Variants in ACTR3C observed in about 807,000 individuals in gnomAD.
ACTR3C encodes the protein actin-related protein 3C.
Under a neutral mutation model 26.3 loss-of-function variants are expected in ACTR3C, and 18 were observed. The observed-to-expected ratio is 0.68, with a 90% CI of 0.47 to 1.01. The LOEUF (loss-of-function observed/expected upper bound fraction) is 1.01. Among genes scored for constraint, ACTR3C ranks in the 50% least tolerant of loss-of-function variants. The pLI is 0.00. For missense variants in ACTR3C, 184 were observed against 250.7 expected, an observed-to-expected ratio of 0.73 and a Z score of 1.80; for synonymous variants, 55 against 94.5, an observed-to-expected ratio of 0.58 and a Z score of 2.42.
chr7:150,288,722 A>G (rs1563183767), intron 4 of ACTR3C, among the ~76,000 whole-genome samples: 1 of 146,770 alleles, frequency 6.8e-6, no homozygotes, highest in Non-Finnish European at 1.5e-5. Flanking sequence ...CCTGAGATGG[A>G]AGGGACCACG....
the ACTR3C span, among the ~76,000 whole-genome samples, chr7:150,152,092 C>T: frequency 2.6e-5 from 4 of 151,746 alleles, no homozygotes; most frequent in African/African-American, 9.6e-5. Context: ...CAAACAGGGA[C>T]AATTTGACTT....
the ACTR3C span, among the ~76,000 whole-genome samples, chr7:150,018,732 G>A: frequency 2.0e-5 from 3 of 150,202 alleles, no homozygotes; most frequent in Admixed American, 6.6e-5. Context: ...GCTTTGTTGA[G>A]CTCTAACAAG....
At chr7:150,033,941 G>C in the ACTR3C span, among the ~76,000 whole-genome samples, 5 of 150,912 alleles carry the variant, frequency 3.3e-5, no homozygotes, top group African/African-American at 7.3e-5. Context: ...CCTGCGATGG[G>C]GGTGCAAAGA....
At chr7:149,933,611 C>A in the ACTR3C span, among the ~76,000 whole-genome samples, 1 of 152,148 alleles carries the variant, frequency 6.6e-6, no homozygotes, top group Non-Finnish European at 1.5e-5. Flanking sequence ...AGTACAAACC[C>A]CAAACATGAG....
At chr7:149,884,235 C>T in the ACTR3C span, among the ~76,000 whole-genome samples, 1 of 152,208 alleles carries the variant, frequency 6.6e-6, no homozygotes, top group African/African-American at 2.4e-5. Flanking sequence ...AGCTGGCAGG[C>T]ACCACAGTTT....
chr7:150,063,745 G>A, the ACTR3C span, among the ~76,000 whole-genome samples: 2 of 152,114 alleles, frequency 1.3e-5, no homozygotes, highest in South Asian at 2.1e-4. Context: ...TTTCTACTGC[G>A]GTTGCAGGTG....
the ACTR3C span, among the ~76,000 whole-genome samples, chr7:150,108,865 T>C: frequency 3.3e-5 from 5 of 151,018 alleles, no homozygotes; most frequent in Non-Finnish European, 5.9e-5. Context: ...GGAGAGTAGT[T>C]GTGGGGAAGG....
intron 6 of ACTR3C, among the ~76,000 whole-genome samples, chr7:150,278,104 G>A (rs1285746755): frequency 5.9e-5 from 9 of 152,024 alleles, no homozygotes; most frequent in African/African-American, 1.9e-4. Flanking sequence ...CAAACATGAG[G>A]TCCAGGGAGG....
At chr7:150,312,663 T>C (rs1386958549) in intron 1 of ACTR3C, among the ~76,000 whole-genome samples, 1 of 152,200 alleles carries the variant, frequency 6.6e-6, no homozygotes. Flanking sequence ...GACTAACTCA[T>C]TATAAAATTT....
At chr7:150,046,245 A>C in the ACTR3C span, among the ~76,000 whole-genome samples, 298 of 150,354 alleles carry the variant, frequency 2.0e-3, 2 homozygotes, top group African/African-American at 7.0e-3. Flanking sequence ...CACATCCTTC[A>C]TTCATAAAAC....
At chr7:150,298,248 A>ATTTTTT (rs1795112572) in intron 1 of ACTR3C, among the ~76,000 whole-genome samples, 2 of 150,308 alleles carry the variant, frequency 1.3e-5, no homozygotes, top group Non-Finnish European at 2.9e-5. Context: ...TGCAAACATG[A>ATTTTTT]GTCCTTTTAA....
At chr7:149,968,204 G>A in the ACTR3C span, among the ~76,000 whole-genome samples, 1 of 152,228 alleles carries the variant, frequency 6.6e-6, no homozygotes, top group African/African-American at 2.4e-5. Context: ...GCTGTCAGAT[G>A]AGACAACTTA....
the ACTR3C span, among the ~76,000 whole-genome samples, chr7:149,951,723 A>G: frequency 4.6e-4 from 70 of 151,574 alleles, 1 homozygote; most frequent in Non-Finnish European, 9.4e-4. Flanking sequence ...TCCCCATTTG[A>G]ATGGCAACTG....
At chr7:150,101,007 G>GC in the ACTR3C span, among the ~76,000 whole-genome samples, 1 of 151,420 alleles carries the variant, frequency 6.6e-6, no homozygotes, top group Non-Finnish European at 1.5e-5. Context: ...CCACTGCCAA[G>GC]TTTTTTTTAA....
chr7:149,927,574 C>G, the ACTR3C span, among the ~76,000 whole-genome samples: 1 of 151,634 alleles, frequency 6.6e-6, no homozygotes, highest in Non-Finnish European at 1.5e-5. Flanking sequence ...ATTAAAAATA[C>G]AAAATTAGCC....
chr7:150,144,648 T>C, the ACTR3C span, among the ~76,000 whole-genome samples: 86 of 152,318 alleles, frequency 5.6e-4, no homozygotes, highest in African/African-American at 2.0e-3. This position sits in a 1 kb window ranked among gnomAD's most constrained non-coding sequence, Gnocchi z 4.6. Flanking sequence ...AATCATACCA[T>C]CTCTACAGTG....
the ACTR3C span, among the ~76,000 whole-genome samples, chr7:150,050,833 G>A: frequency 6.6e-6 from 1 of 151,578 alleles, no homozygotes; most frequent in Non-Finnish European, 1.5e-5. Context: ...CTGGCCGGGC[G>A]CGGTGGCTCA....
the ACTR3C span, among the ~76,000 whole-genome samples, chr7:150,219,213 AC>A: frequency 6.9e-6 from 1 of 144,392 alleles, no homozygotes; most frequent in Admixed American, 6.7e-5. Context: ...CATGCCCCAA[AC>A]CCCAACAAGT....
the ACTR3C span, among the ~76,000 whole-genome samples, chr7:150,115,863 G>T: frequency 6.6e-6 from 1 of 152,164 alleles, no homozygotes; most frequent in Non-Finnish European, 1.5e-5. Context: ...AGACACATTG[G>T]CCACTTTATC....
Sources: allele counts gnomAD v4.1 joint callset (sites outside exome capture counted in the v4.1 genomes callset), GRCh38; gene constraint gnomAD v4.1.1; non-coding constraint Gnocchi (gnomAD v3.1); transcripts MANE v1.5; gene names NCBI Gene and HGNC (gene_info 2026-07-23, HGNC 2026-07-21).